PTK2B: variants seen among roughly 807,000 people sequenced by gnomAD.
The protein encoded by PTK2B is protein tyrosine kinase 2 beta.
PTK2B carries 71 observed loss-of-function variants against 142.9 expected under a neutral mutation model. The observed-to-expected ratio is 0.50, with a 90% CI of 0.41 to 0.61. PTK2B has a LOEUF of 0.61. Ranked by LOEUF, PTK2B falls within the 20% of genes least tolerant of loss-of-function variation. PTK2B has a pLI of 0.00. For synonymous variants in PTK2B, 519 were observed against 503.4 expected (o/e 1.03, Z -0.42); for missense variants, 1,105 against 1,320.4 (o/e 0.84, Z 2.53).
rs1175133134 is a variant in PTK2B, at chr8:27,458,477, C to T, written c.2998C>T (p.Leu1000=). The change falls in exon 31 of 31, where the codon CTG becomes TTG. Residue 1000 remains leucine, a synonymous_variant. Transcript: ENST00000346049. ...LLDAVDQAKV[L]ANLAHPPAE ...CGACGCTGTGGACCAGGCCAAGGTT[C>T]TGGCCAATCTGGCCCACCCACCTGC... The T allele has an allele frequency of 6.3e-7, 1 of 1,586,522 alleles. No homozygotes were observed. The highest frequency in any genetic ancestry group is 8.6e-7 in the Non-Finnish European group (1 of 1,166,812).
At chr8:27,439,190 C>A in intron 19 of PTK2B, 59 bp downstream of exon 19, 1 of 1,575,494 alleles carries the variant, frequency 6.3e-7, no homozygotes, top group Non-Finnish European at 8.7e-7. Context: ...GCCAAAAATT[C>A]CAGAAGAAGG....
intron 1 of PTK2B, among the ~76,000 whole-genome samples, chr8:27,334,716 T>C (rs1429278420): frequency 1.3e-5 from 2 of 151,992 alleles, no homozygotes; most frequent in African/African-American, 4.8e-5. Context: ...TCACACGGAG[T>C]GAGCCAGACA....
At chr8:27,372,478 G>T (rs1806420415) in intron 1 of PTK2B, among the ~76,000 whole-genome samples, 2 of 152,144 alleles carry the variant, frequency 1.3e-5, no homozygotes, top group South Asian at 2.1e-4. Flanking sequence ...TCAGCCTTTT[G>T]TTCTATTTAG....
intron 1 of PTK2B, among the ~76,000 whole-genome samples, chr8:27,375,088 C>A (rs1806584635): frequency 6.6e-6 from 1 of 152,186 alleles, no homozygotes; most frequent in Admixed American, 6.5e-5. Context: ...TCCCACCATC[C>A]TGTGAGGCTG....
chr8:27,334,107 C>T (rs903807752), intron 1 of PTK2B, among the ~76,000 whole-genome samples: 1 of 152,118 alleles, frequency 6.6e-6, no homozygotes, highest in African/African-American at 2.4e-5. Context: ...CTCAATCCTG[C>T]AGATTCTTTC....
intron 5 of PTK2B, among the ~76,000 whole-genome samples, chr8:27,427,152 A>C (rs1055782444): frequency 2.0e-5 from 3 of 152,018 alleles, no homozygotes; most frequent in Non-Finnish European, 2.9e-5. Flanking sequence ...ATCTTCTGGC[A>C]CCTTTAGAAA....
chr8:27,337,142 T>C (rs1804121880), intron 1 of PTK2B, among the ~76,000 whole-genome samples: 1 of 151,750 alleles, frequency 6.6e-6, no homozygotes, highest in South Asian at 2.1e-4. Context: ...CATCACCGCT[T>C]TTTTTCTTTT....
Position 27,334,635 on chromosome 8 carries a change from A to G in PTK2B, c.-38+8954A>G, listed in dbSNP as rs185779911. 1.6e-3 allele frequency among the ~76,000 whole-genome samples: 243 copies of G among 152,276 alleles called. 1 individual carries two copies. Among genetic ancestry groups the G allele is most frequent in the African/African-American group, 5.6e-3 (233 of 41,546 alleles). On this transcript the variant is annotated intron_variant, in intron 1 of 30. Transcript: ENST00000346049. ...CTTCTTCCTTATACCGTCAAATTCC[A>G]AGGATAGAAAATTGCATTTCCCTGG...
intron 2 of PTK2B, among the ~76,000 whole-genome samples, chr8:27,407,666 C>G (rs1266477238): frequency 6.6e-6 from 1 of 152,180 alleles, no homozygotes; most frequent in Admixed American, 6.5e-5. Context: ...AGTTCCCACC[C>G]AGTCAGGGGA....
chr8:27,393,097 G>T (rs1252521962), intron 1 of PTK2B, among the ~76,000 whole-genome samples: 1 of 152,186 alleles, frequency 6.6e-6, no homozygotes, highest in Non-Finnish European at 1.5e-5. Flanking sequence ...ATTAAAACCT[G>T]GTTTGGGATC....
At chr8:27,421,509 G>A (rs1032638106) in intron 4 of PTK2B, among the ~76,000 whole-genome samples, 6 of 152,148 alleles carry the variant, frequency 3.9e-5, no homozygotes, top group African/African-American at 1.2e-4. Context: ...TTATGCCTTT[G>A]CATCATCATG....
rs148619477 is a variant in PTK2B at position 27,451,471 on chromosome 8, C to T, written c.2524-14C>T. 268 of 1,613,980 alleles carry T rather than the reference C, an allele frequency of 1.7e-4. 1 individual carries two copies. The Middle Eastern group carries it at 2.8e-3, about 17-fold the overall frequency. ...CATGAGTGACGTTCCTGTTCTCTTT[C>T]CTCCTTCCTCCAGACGCCAGAGAAG... On this transcript the variant is annotated splice_polypyrimidine_tract_variant and intron_variant, in intron 26 of 30. Coordinates refer to ENST00000346049, the MANE Select transcript of PTK2B (RefSeq NM_173176.3).
intron 1 of PTK2B, among the ~76,000 whole-genome samples, chr8:27,355,674 G>T (rs1051265098): frequency 6.6e-6 from 1 of 152,132 alleles, no homozygotes; most frequent in Non-Finnish European, 1.5e-5. Context: ...AGTAATTCTA[G>T]CTCTAGGCTT....
chr8:27,399,759 T>C (rs565524230), intron 2 of PTK2B, among the ~76,000 whole-genome samples: 1 of 152,298 alleles, frequency 6.6e-6, no homozygotes, highest in South Asian at 2.1e-4. Flanking sequence ...TTCCAATGTC[T>C]CCTGCAGGCA....
chr8:27,343,952 G>A (rs929686135), intron 1 of PTK2B, among the ~76,000 whole-genome samples: 4 of 152,086 alleles, frequency 2.6e-5, no homozygotes, highest in Admixed American at 6.5e-5. Flanking sequence ...GCAGTGAGCC[G>A]AGATCATGCC....
At position 27,401,011 on chromosome 8, in the gene PTK2B, C is replaced by A. The variant is rs148876646; in HGVS notation, c.204+3223C>A. On this transcript the variant is annotated intron_variant, in intron 2 of 30. Transcript: ENST00000346049. ...AAAATTAGCTGGGTATGGTGGTGTG[C>A]ACCTGTAATCCCAGCTACTCAGGAG... is the stretch of plus-strand genomic sequence containing the variant. Among the ~76,000 whole-genome samples the A allele has an allele frequency of 6.8e-3, 1,034 of 152,138 alleles. 13 individuals are homozygous for A. Among genetic ancestry groups the A allele is most frequent in the African/African-American group, 0.024 (992 of 41,504 alleles).
At chr8:27,457,909 G>A (rs1267745191) in intron 30 of PTK2B, among the ~76,000 whole-genome samples, 1 of 151,032 alleles carries the variant, frequency 6.6e-6, no homozygotes, top group East Asian at 1.9e-4. Context: ...CAGGAGGCGG[G>A]CATTGCAGTG....
chr8:27,346,227 C>T (rs1804702207), intron 1 of PTK2B, among the ~76,000 whole-genome samples: 1 of 152,190 alleles, frequency 6.6e-6, no homozygotes, highest in African/African-American at 2.4e-5. Flanking sequence ...TGTTTTCACT[C>T]TGTTTTCTTA....
At chr8:27,389,373 A>T (rs751655141) in intron 1 of PTK2B, among the ~76,000 whole-genome samples, 1 of 152,248 alleles carries the variant, frequency 6.6e-6, no homozygotes, top group Non-Finnish European at 1.5e-5. Flanking sequence ...CCTGGCAAGT[A>T]AGGAGCACAA....
Sources: gnomAD v4.1 joint callset for allele counts (sites outside exome capture counted in the v4.1 genomes callset) on GRCh38, gnomAD v4.1.1 for gene constraint, MANE v1.5 for transcripts, NCBI Gene and HGNC (gene_info 2026-07-23, HGNC 2026-07-21) for gene names.